The following ABR variants were observed in gnomAD, a reference collection of about 807,000 sequenced individuals.
ABR encodes the protein ABR activator of RhoGEF and GTPase.
ABR carries 35 observed loss-of-function variants against 107.2 expected under a neutral mutation model. The observed-to-expected ratio is 0.33, with a 90% CI of 0.25 to 0.43. The LOEUF is 0.43. Among genes scored for constraint, ABR ranks in the 20% least tolerant of loss-of-function variants. The probability of loss-of-function intolerance (pLI) is 1.00; values close to 1 mark genes in which losing one functional copy is unlikely to be tolerated. For missense variants in ABR, 815 were observed against 1,115.2 expected (o/e 0.73, Z 3.83); for synonymous variants, 498 against 462.0 (o/e 1.08, Z -1.00).
chr17:1,229,671 C>G (rs1004861085), exon 1 of ABR, among the ~76,000 whole-genome samples: 1 of 152,046 alleles, frequency 6.6e-6, no homozygotes, highest in African/African-American at 2.4e-5. Context: ...CCGCGGCCCC[C>G]GAAGAGACCA....
intron 1 of ABR, among the ~76,000 whole-genome samples, chr17:1,170,436 G>GTATT (rs1171906879): frequency 6.6e-6 from 1 of 151,928 alleles, no homozygotes; most frequent in Admixed American, 6.6e-5. Context: ...GTTTGTTTAT[G>GTATT]TATTTATTTA....
Position 1,050,330 on chromosome 17 carries a change from C to T in ABR, c.1660-149G>A. The T allele has an allele frequency of 8.8e-7, 1 of 1,139,986 alleles. No homozygotes were observed. Among genetic ancestry groups the T allele is most frequent in the Non-Finnish European group, 1.2e-6 (1 of 813,246 alleles). The allele number at this position is 1,139,986 out of a possible 1,614,324, so 70.6% of individuals were successfully genotyped here. ...ATTTTCTGGAGCTCCCAGAGGCCTCCCATCACCCCTGGAGTCTGGGGGCCT... is the reference window on the plus strand; with the variant it reads ...ATTTTCTGGAGCTCCCAGAGGCCTCTCATCACCCCTGGAGTCTGGGGGCCT... On this transcript the variant is annotated intron_variant, in intron 15 of 22. Coordinates refer to ENST00000302538, the MANE Select transcript of ABR (RefSeq NM_021962.5). This position sits in a 1 kb window ranked among gnomAD's most constrained non-coding sequence, Gnocchi z 4.6.
intron 1 of ABR, among the ~76,000 whole-genome samples, chr17:1,215,024 A>T (rs951066439): frequency 6.6e-6 from 1 of 152,060 alleles, no homozygotes; most frequent in Admixed American, 6.6e-5. Flanking sequence ...GTTTAAGACC[A>T]CCCTGGGCAA....
At chr17:1,159,659 G>A (rs200262134) in intron 1 of ABR, among the ~76,000 whole-genome samples, 3 of 69,644 alleles carry the variant, frequency 4.3e-5, no homozygotes, top group Non-Finnish European at 6.1e-5. Context: ...CTCACACACA[G>A]GAGAAGTAAG....
chr17:1,169,882 G>A (rs80249170), intron 1 of ABR, among the ~76,000 whole-genome samples: 2,361 of 152,086 alleles, frequency 0.016, 62 homozygotes, highest in African/African-American at 0.054. Context: ...CCCTGGCCTC[G>A]CTCTAGAAAC....
chr17:1,027,359 G>A lies in ABR; in HGVS notation c.1792-14195C>T, dbSNP rs2072276911. 2.6e-5 allele frequency among the ~76,000 whole-genome samples: 4 copies of A among 152,340 alleles called. No homozygotes were observed. The highest frequency in any genetic ancestry group is 2.0e-4 in the Admixed American group (3 of 15,306). ...CAAGTTCACTCAGAGCAGGGTTCCC[G>A]CCTTGATGTCTGCAGCCCCCTCTGA... On this transcript the variant is annotated intron_variant, in intron 16 of 22. Coordinates refer to ENST00000302538, the MANE Select transcript of ABR (RefSeq NM_021962.5). This position sits in a 1 kb window ranked among gnomAD's most constrained non-coding sequence, Gnocchi z 4.7.
At chr17:1,115,575 C>T (rs1334488517) in intron 2 of ABR, 1 of 152,550 alleles carries the variant, frequency 6.6e-6, no homozygotes, top group Non-Finnish European at 1.5e-5. Flanking sequence ...CTCCCTCTGC[C>T]TCCTCTCTGT....
chr17:1,015,803 G>A (rs2071108806), intron 16 of ABR, among the ~76,000 whole-genome samples: 1 of 152,178 alleles, frequency 6.6e-6, no homozygotes, highest in Non-Finnish European at 1.5e-5. Flanking sequence ...TAACTTTTTG[G>A]TGGAATGCTC....
At chr17:1,195,562 T>C (rs906480781) in intron 1 of ABR, among the ~76,000 whole-genome samples, 2 of 151,618 alleles carry the variant, frequency 1.3e-5, no homozygotes, top group African/African-American at 4.8e-5. Context: ...CCCAGCACTG[T>C]GGGAGGCCGA....
chr17:1,176,571 C>T (rs1020926730), intron 1 of ABR, among the ~76,000 whole-genome samples: 2 of 152,164 alleles, frequency 1.3e-5, no homozygotes, highest in East Asian at 1.9e-4. Flanking sequence ...ACAGGCCGGG[C>T]GCAGTGGCTC....
chr17:1,128,541 T>C (rs1190036820), intron 1 of ABR, among the ~76,000 whole-genome samples: 1 of 152,248 alleles, frequency 6.6e-6, no homozygotes, highest in African/African-American at 2.4e-5. Flanking sequence ...CAGGGATATG[T>C]GTGGAACTTG....
intron 9 of ABR, 100 bp from the exon 10 acceptor site, chr17:1,067,342 T>G: frequency 1.7e-6 from 2 of 1,185,824 alleles, no homozygotes. Flanking sequence ...AGGGGTTGAC[T>G]GAGAACTCGC....
intron 2 of ABR, among the ~76,000 whole-genome samples, chr17:1,107,315 G>A (rs1237223732): frequency 1.3e-5 from 2 of 152,326 alleles, no homozygotes; most frequent in East Asian, 1.9e-4. Context: ...TGCACCCTTC[G>A]TGGGCCCCAG....
At chr17:1,009,529 C>T in intron 21 of ABR, 150 bp downstream of exon 21, 1 of 655,190 alleles carries the variant, frequency 1.5e-6, no homozygotes, top group Non-Finnish European at 2.8e-6. Flanking sequence ...GAGGCCAGCG[C>T]CCACGAGGAG....
At chr17:1,081,479 T>C (rs2036234084) in intron 5 of ABR, among the ~76,000 whole-genome samples, 1 of 152,180 alleles carries the variant, frequency 6.6e-6, no homozygotes, top group Non-Finnish European at 1.5e-5. Flanking sequence ...GAAGAAACTA[T>C]GGTCAGCCAT....
intron 16 of ABR, among the ~76,000 whole-genome samples, chr17:1,039,852 T>G (rs940994856): frequency 6.6e-6 from 1 of 152,150 alleles, no homozygotes; most frequent in Non-Finnish European, 1.5e-5. Context: ...ACTCCTGGCC[T>G]TGGCGGGCGC....
intron 6 of ABR, among the ~76,000 whole-genome samples, chr17:1,076,179 A>T (rs2035691910): frequency 6.6e-6 from 1 of 152,222 alleles, no homozygotes; most frequent in South Asian, 2.1e-4. Context: ...TTGGGATTAC[A>T]GGCATGAGTA....
chr17:1,048,445 G>A (rs1213351006), intron 16 of ABR, among the ~76,000 whole-genome samples: 1 of 152,274 alleles, frequency 6.6e-6, no homozygotes. Flanking sequence ...CGGTGGCCAT[G>A]ACAATGCATC....
intron 1 of ABR, among the ~76,000 whole-genome samples, chr17:1,127,037 CG>C (rs1305591792): frequency 6.6e-6 from 1 of 152,218 alleles, no homozygotes; most frequent in African/African-American, 2.4e-5. Flanking sequence ...AACAGGTCAC[CG>C]GGACGCCTGG....
Sources: gnomAD v4.1 joint callset for allele counts (sites outside exome capture counted in the v4.1 genomes callset) on GRCh38, gnomAD v4.1.1 for gene constraint, Gnocchi (gnomAD v3.1) non-coding constraint, MANE v1.5 for transcripts, NCBI Gene and HGNC (gene_info 2026-07-23, HGNC 2026-07-21) for gene names.